MAP2K6: variants seen among roughly 807,000 people sequenced by gnomAD.
MAP2K6 encodes the protein dual specificity mitogen-activated protein kinase kinase 6.
Under a neutral mutation model 53.7 loss-of-function variants are expected in MAP2K6, and 16 were observed. The ratio of observed to expected loss-of-function variants is 0.30; its 90% CI spans 0.20 to 0.45. The LOEUF is 0.45. Among genes scored for constraint, MAP2K6 ranks in the 20% least tolerant of loss-of-function variants. MAP2K6 has a pLI of 1.00. For missense variants in MAP2K6, 204 were observed against 411.9 expected (o/e 0.50, Z 4.37); for synonymous variants, 132 against 143.1 (o/e 0.92, Z 0.55).
chr17:69,491,773 A>C (rs73363663), intron 1 of MAP2K6, among the ~76,000 whole-genome samples: 5,630 of 142,710 alleles, frequency 0.039, 353 homozygotes, highest in East Asian at 0.15. Flanking sequence ...TGAATAATAG[A>C]CTTTCAGACT....
chr17:69,459,583 G>A lies in MAP2K6; in HGVS notation c.16+44583G>A, dbSNP rs565022538. 1.1e-4 allele frequency among the ~76,000 whole-genome samples: 17 copies of A among 151,480 alleles called. No individual in the cohort carries two copies. In the East Asian group the frequency reaches 2.3e-3, roughly 21 times the overall value. On this transcript the variant is annotated intron_variant, in intron 1 of 11. Coordinates refer to ENST00000590474, the MANE Select transcript of MAP2K6 (RefSeq NM_002758.4). ...AAAAATTAGCCAGATGTGGTGGTGC[G>A]TGCCTATAGTCCCAGCTACTCGGGA... is the stretch of plus-strand genomic sequence containing the variant.
chr17:69,425,192 A>G (rs901070737), intron 1 of MAP2K6, among the ~76,000 whole-genome samples: 2 of 152,194 alleles, frequency 1.3e-5, no homozygotes, highest in African/African-American at 4.8e-5. Context: ...GAATGAACCC[A>G]CATCTCCAGT....
At chr17:69,530,472 A>C (rs2716198) in intron 10 of MAP2K6, among the ~76,000 whole-genome samples, 1 of 152,014 alleles carries the variant, frequency 6.6e-6, no homozygotes, top group Non-Finnish European at 1.5e-5. Context: ...GTAGAATGCT[A>C]TACTTAAGAA....
chr17:69,462,317 C>A (rs1407288258), intron 1 of MAP2K6, among the ~76,000 whole-genome samples: 1 of 152,084 alleles, frequency 6.6e-6, no homozygotes, highest in Admixed American at 6.5e-5. Context: ...TAAAGAGATG[C>A]TTGGCTGGTC....
At chr17:69,518,145 G>A (rs1483810295) in intron 4 of MAP2K6, among the ~76,000 whole-genome samples, 5 of 152,078 alleles carry the variant, frequency 3.3e-5, no homozygotes, top group East Asian at 1.9e-4. Flanking sequence ...AGCCGAGATC[G>A]TGCCACTGCA....
chr17:69,504,230 T>G (rs575303581), intron 1 of MAP2K6, among the ~76,000 whole-genome samples: 103 of 152,270 alleles, frequency 6.8e-4, no homozygotes, highest in African/African-American at 2.3e-3. Flanking sequence ...CTCTGAGTGC[T>G]CATCTGCAAT....
At chr17:69,491,823 A>G (rs2521345) in intron 1 of MAP2K6, among the ~76,000 whole-genome samples, 78,603 of 112,104 alleles carry the variant, frequency 0.7, 32,605 homozygotes, top group Middle Eastern at 0.85. Context: ...GATTTGATTC[A>G]GACTGGTCTG....
At chr17:69,519,286 A>G in intron 4 of MAP2K6, 27 bp from the exon 5 acceptor site, 1 of 1,609,696 alleles carries the variant, frequency 6.2e-7, no homozygotes, top group South Asian at 1.1e-5. Flanking sequence ...AGTAGTAACC[A>G]TAAATTTTCC....
intron 1 of MAP2K6, among the ~76,000 whole-genome samples, chr17:69,447,561 G>T (rs1907013577): frequency 6.6e-6 from 1 of 152,026 alleles, no homozygotes; most frequent in Non-Finnish European, 1.5e-5. Flanking sequence ...GACCAGGCTG[G>T]TCTTGAACTC....
intron 1 of MAP2K6, among the ~76,000 whole-genome samples, chr17:69,491,358 G>A (rs980808089): frequency 6.6e-6 from 1 of 152,130 alleles, no homozygotes; most frequent in African/African-American, 2.4e-5. Flanking sequence ...TGGCCAGGCT[G>A]GTCTTGAACT....
chr17:69,502,319 G>A (rs1352502255), intron 1 of MAP2K6: 1 of 985,320 alleles, frequency 1.0e-6, no homozygotes, highest in Admixed American at 6.2e-5. Context: ...AATGACTTCT[G>A]TTAGGTTTTC....
chr17:69,466,787 T>C (rs551414785), intron 1 of MAP2K6, among the ~76,000 whole-genome samples: 2 of 152,360 alleles, frequency 1.3e-5, no homozygotes, highest in South Asian at 4.1e-4. Flanking sequence ...TAAAATGACT[T>C]CTACTCACTT....
intron 1 of MAP2K6, among the ~76,000 whole-genome samples, chr17:69,490,653 A>G (rs1286540762): frequency 6.6e-6 from 1 of 152,190 alleles, no homozygotes; most frequent in East Asian, 1.9e-4. Context: ...ATTATTTAAT[A>G]ATTTTCTGTA....
chr17:69,527,104 C>T (rs1910815012), intron 10 of MAP2K6, among the ~76,000 whole-genome samples: 1 of 152,160 alleles, frequency 6.6e-6, no homozygotes, highest in South Asian at 2.1e-4. Flanking sequence ...GAAGGAACAT[C>T]ATTCACAATG....
At position 69,494,946 on chromosome 17, in the gene MAP2K6, C is replaced by T. The variant is rs185467585; in HGVS notation, c.17-10834C>T. On this transcript the variant is annotated intron_variant, in intron 1 of 11. Transcript: ENST00000590474. This position sits in a 1 kb window ranked among gnomAD's most constrained non-coding sequence, Gnocchi z 4.2. ...CTTGAACCTGGGAGGTGGAGGTTGC[C>T]GTGAGCCGAGATCGCGACATTGCAC... 1.3e-4 allele frequency among the ~76,000 whole-genome samples: 19 copies of T among 150,890 alleles called. No homozygotes were observed. In the East Asian group the frequency reaches 1.4e-3, roughly 11 times the overall value.
chr17:69,543,252 C>A lies in MAP2K6; in HGVS notation c.*1499C>A, dbSNP rs1013459565. 6.6e-6 allele frequency: 1 copy of A among 151,930 alleles called. No individual in the cohort carries two copies. Among genetic ancestry groups the A allele is most frequent in the African/African-American group, 2.4e-5 (1 of 41,344 alleles). 9.4% of individuals were successfully genotyped at this position (151,930 alleles called of 1,614,324 possible). On this transcript the variant is annotated 3_prime_UTR_variant, in exon 12 of 12. Coordinates refer to ENST00000590474, the MANE Select transcript of MAP2K6 (RefSeq NM_002758.4). ...TGATTTTAAAAAGAAGAAAAAAAAA[C>A]CTTATTTTTTCTTTCTTGGCCTCAA...
chr17:69,497,648 C>A (rs1410157284), intron 1 of MAP2K6, among the ~76,000 whole-genome samples: 1 of 152,114 alleles, frequency 6.6e-6, no homozygotes, highest in Non-Finnish European at 1.5e-5. Flanking sequence ...CTGACTCCAA[C>A]TTCCTCCTCC....
intron 1 of MAP2K6, among the ~76,000 whole-genome samples, chr17:69,465,693 C>T (rs1187025067): frequency 6.6e-6 from 1 of 150,740 alleles, no homozygotes; most frequent in African/African-American, 2.4e-5. Flanking sequence ...AATCTCGGCT[C>T]ACTGCAACCC....
Position 69,436,648 on chromosome 17 carries a change from TCTTC to T in MAP2K6, c.16+21653_16+21656del, listed in dbSNP as rs551562573. Among the ~76,000 whole-genome samples the T allele has an allele frequency of 4.6e-5, 7 of 152,270 alleles. No individual in the cohort carries two copies. The South Asian group carries it at 8.3e-4, about 18-fold the overall frequency. On this transcript the variant is annotated intron_variant, in intron 1 of 11. Coordinates refer to ENST00000590474, the MANE Select transcript of MAP2K6 (RefSeq NM_002758.4). The stretch of plus-strand genomic sequence containing the variant: ...TCATCCTCCCTTTTCTAGTCTTTCC[TCTTC>T]CTTCTTCTCATAGGAGAATATCTTG...
Sources: gnomAD v4.1 joint callset for allele counts (sites outside exome capture counted in the v4.1 genomes callset) on GRCh38, gnomAD v4.1.1 for gene constraint, Gnocchi (gnomAD v3.1) non-coding constraint, MANE v1.5 for transcripts, NCBI Gene and HGNC (gene_info 2026-07-23, HGNC 2026-07-21) for gene names.